GNE: variants seen among roughly 807,000 people sequenced by gnomAD.
The protein encoded by GNE is bifunctional UDP-N-acetylglucosamine 2-epimerase/N-acetylmannosamine kinase.
A neutral mutation model predicts 61.8 loss-of-function variants in GNE; 41 were observed. The observed-to-expected ratio is 0.66, with a 90% CI of 0.52 to 0.86. The LOEUF (loss-of-function observed/expected upper bound fraction) is 0.86, where lower values mean the gene tolerates loss of function less well. Among genes scored for constraint, GNE ranks in the 40% least tolerant of loss-of-function variants. GNE has a pLI of 0.00. For synonymous variants in GNE, 264 were observed against 326.4 expected (o/e 0.81, Z 2.06); for missense variants, 608 against 909.1 (o/e 0.67, Z 4.26).
At chr9:36,259,200 C>A (rs1456920371), upstream of GNE, among the ~76,000 whole-genome samples, 6 of 152,258 alleles carry the variant, frequency 3.9e-5, no homozygotes, top group East Asian at 1.2e-3. Context: ...GACTACAGGA[C>A]CATGCCACCG....
At position 36,235,506 on chromosome 9, in the gene GNE, T is replaced by G. The variant is rs79569639; in HGVS notation, c.769+1326A>C. 1.3e-3 allele frequency among the ~76,000 whole-genome samples: 202 copies of G among 152,246 alleles called. 6 individuals are homozygous for G. The East Asian group carries it at 0.037, about 28-fold the overall frequency. ...TTTACTTTCATAGAAAAAAAATACC[T>G]CTAATTCTAAAGTATATACAGCCAG... is the stretch of plus-strand genomic sequence containing the variant. On this transcript the variant is annotated intron_variant, in intron 4 of 11. Transcript: ENST00000642385.
chr9:36,262,075 G>A (rs1029315721), upstream of GNE, among the ~76,000 whole-genome samples: 3 of 152,002 alleles, frequency 2.0e-5, no homozygotes, highest in African/African-American at 7.2e-5. Flanking sequence ...TAAAATCTGG[G>A]TGCTGATTAC....
upstream of GNE, among the ~76,000 whole-genome samples, chr9:36,259,746 C>T (rs930096681): frequency 4.6e-5 from 7 of 151,748 alleles, no homozygotes; most frequent in Non-Finnish European, 8.8e-5. Context: ...CTGAAACCTC[C>T]ACCTCCCAGG....
At chr9:36,242,735 T>C (rs1407959043) in intron 3 of GNE, among the ~76,000 whole-genome samples, 1,103 of 95,220 alleles carry the variant, frequency 0.012, 39 homozygotes, top group Non-Finnish European at 0.02. Context: ...TATGCTTGTT[T>C]TTTTTTTTTT....
intron 10 of GNE, among the ~76,000 whole-genome samples, chr9:36,219,456 T>G (rs1388688328): frequency 1.3e-5 from 2 of 152,242 alleles, no homozygotes; most frequent in African/African-American, 4.8e-5. Context: ...ACTGTTTTTA[T>G]GTATGAAGCA....
chr9:36,270,214 C>G lies in GNE; in HGVS notation c.51+6680G>C, dbSNP rs368282734. On this transcript the variant is annotated intron_variant, in intron 1 of 11. Coordinates refer to the GNE transcript ENST00000396594. ...CTGGCCTCAAGTGATCCTCCTGCCT[C>G]TGCCTTCCAAAGTGTTGGTATTACA... is the stretch of plus-strand genomic sequence containing the variant. Among the ~76,000 whole-genome samples, 39 of 152,274 alleles carry G rather than the reference C, an allele frequency of 2.6e-4. No homozygotes were observed. In the South Asian group the frequency reaches 7.7e-3, roughly 30 times the overall value.
chr9:36,229,079 C>T lies in GNE; in HGVS notation c.1012G>A (p.Asp338Asn). The stretch of plus-strand genomic sequence containing the variant: ...GCTTGCAATATTTTGTCTTGGGTGT[C>T]AGCATCCCGGACATGAAGAACATTC... ...GENVLHVRDA[D>N]TQDKILQALH... Residue 338 changes from aspartate (D) to asparagine (N), a missense_variant, in exon 6 of 12, where the codon GAC (aspartate) becomes AAC (asparagine). By Grantham distance (23) the Asp-to-Asn change is conservative (BLOSUM62 1). Coordinates refer to ENST00000642385, the MANE Select transcript of GNE (RefSeq NM_005476.7). 1 of 1,610,112 alleles carries T rather than the reference C, an allele frequency of 6.2e-7. No individual in the cohort carries two copies. Among genetic ancestry groups the T allele is most frequent in the Non-Finnish European group, 8.5e-7 (1 of 1,176,396 alleles).
chr9:36,218,228 C>T lies in GNE; in HGVS notation c.1888G>A (p.Ala630Thr), dbSNP rs1382191649. The T allele has an allele frequency of 6.2e-7, 1 of 1,614,090 alleles. No homozygotes were observed. Among genetic ancestry groups the T allele is most frequent in the Non-Finnish European group, 8.5e-7 (1 of 1,179,986 alleles). The change falls in exon 11 of 12, where the codon GCT (alanine) becomes ACT (threonine). Residue 630 changes from alanine to threonine, a missense_variant. Transcript: ENST00000642385. This position sits in a 1 kb window ranked among gnomAD's most constrained non-coding sequence, Gnocchi z 4.1. ...GCCTTCGCATTGCCAAGTTTCGCAG[C>T]TTGGATGAGATGGAGCGCACCCACA... ...EAVGALHLIQ[A>T]AKLGNAKAQS...
In GNE at chr9:36,216,490, C is replaced by T. The variant is rs1436415002; in HGVS notation, c.*875G>A. 3 of 245,448 alleles carry T rather than the reference C, an allele frequency of 1.2e-5. No homozygotes were observed. Among genetic ancestry groups the T allele is most frequent in the Non-Finnish European group, 2.5e-5 (3 of 117,662 alleles). The allele number at this position is 245,448 out of a possible 1,614,324, so 15.2% of individuals were successfully genotyped here. A position where few individuals can be genotyped will look rare whatever the true frequency, so the allele number is the denominator to read the frequency against. On this transcript the variant is annotated 3_prime_UTR_variant, in exon 12 of 12. Coordinates refer to ENST00000642385, the MANE Select transcript of GNE (RefSeq NM_005476.7). Reference sequence around the variant, plus strand: ...AGCTGGGACTACAGGCACATGCCACCACGCCCGGCTAATTTTTGTATTTTA... The same window carrying T: ...AGCTGGGACTACAGGCACATGCCACTACGCCCGGCTAATTTTTGTATTTTA...
rs1828425721 is a variant in GNE, at chr9:36,218,325, G to T, written c.1817-26C>A. 1.9e-6 allele frequency: 3 copies of T among 1,544,112 alleles called. No homozygotes were observed. The highest frequency in any genetic ancestry group is 2.7e-6 in the Non-Finnish European group (3 of 1,116,128). On this transcript the variant is annotated intron_variant, in intron 10 of 11. Coordinates refer to ENST00000642385, the MANE Select transcript of GNE (RefSeq NM_005476.7). This position sits in a 1 kb window ranked among gnomAD's most constrained non-coding sequence, Gnocchi z 4.1. ...CTGAACAGAGTGAGAAGGAAAAGCA[G>T]TCACTAATGAGCTGTGGGGAGGCCA...
At position 36,246,677 on chromosome 9, in the gene GNE, T is replaced by G. The variant is rs952800103; in HGVS notation, c.165-195A>C. ...TTAAGATTCTTTTTTTTTTTTTTTTTTTTTTTTTTGAGATGAAGTCTTGCT... is the reference window on the plus strand; with the variant it reads ...TTAAGATTCTTTTTTTTTTTTTTTTGTTTTTTTTTGAGATGAAGTCTTGCT... On this transcript the variant is annotated intron_variant, in intron 2 of 11. Coordinates refer to ENST00000642385, the MANE Select transcript of GNE (RefSeq NM_005476.7). 7.0e-3 allele frequency among the ~76,000 whole-genome samples: 1,045 copies of G among 148,594 alleles called. 2 individuals are homozygous for G. Among genetic ancestry groups the G allele is most frequent in the Non-Finnish European group, 0.012 (774 of 67,052 alleles).
At chr9:36,265,591 A>G (rs1310854256) in intron 1 of GNE, 2 of 397,724 alleles carry the variant, frequency 5.0e-6, no homozygotes, top group East Asian at 7.5e-5. Flanking sequence ...ATCTCACCCC[A>G]TACTGTATCT....
upstream of GNE, among the ~76,000 whole-genome samples, chr9:36,262,479 T>C (rs1830644254): frequency 6.6e-6 from 1 of 152,226 alleles, no homozygotes; most frequent in Non-Finnish European, 1.5e-5. Context: ...GTTACTTTAC[T>C]GTTTAACATT....
intron 1 of GNE, among the ~76,000 whole-genome samples, chr9:36,274,437 C>T (rs553967761): frequency 2.6e-5 from 4 of 152,154 alleles, no homozygotes; most frequent in East Asian, 1.9e-4. Context: ...TTCCTGGCCA[C>T]GTACCCTCTT....
At chr9:36,257,419 G>A (rs1004445622) in intron 1 of GNE, among the ~76,000 whole-genome samples, 1 of 152,072 alleles carries the variant, frequency 6.6e-6, no homozygotes, top group Non-Finnish European at 1.5e-5. Flanking sequence ...TTGGGTTAAC[G>A]AGTTACCTAT....
At chr9:36,247,510 A>AT (rs775437154) in intron 2 of GNE, among the ~76,000 whole-genome samples, 3 of 152,178 alleles carry the variant, frequency 2.0e-5, no homozygotes, top group Non-Finnish European at 2.9e-5. Context: ...TTTCCTATTT[A>AT]ACGGTCTCAT....
At chr9:36,233,897 G>A in intron 5 of GNE, 23 bp downstream of exon 5, 1 of 1,552,442 alleles carries the variant, frequency 6.4e-7, no homozygotes, top group Non-Finnish European at 8.9e-7. Context: ...CTAGTCAGTT[G>A]AAGTATGAGC....
intron 1 of GNE, among the ~76,000 whole-genome samples, chr9:36,254,769 T>C (rs1830260984): frequency 6.6e-6 from 1 of 151,978 alleles, no homozygotes; most frequent in Admixed American, 6.6e-5. Flanking sequence ...CTGGCTAACA[T>C]GGCAAAACCC....
At chr9:36,270,327 A>C (rs1328242358) in intron 1 of GNE, among the ~76,000 whole-genome samples, 3 of 152,030 alleles carry the variant, frequency 2.0e-5, no homozygotes, top group African/African-American at 7.2e-5. Flanking sequence ...GATTTTATAT[A>C]CCTAAAATCA....
Sources: allele counts gnomAD v4.1 joint callset (sites outside exome capture counted in the v4.1 genomes callset), GRCh38; gene constraint gnomAD v4.1.1; non-coding constraint Gnocchi (gnomAD v3.1); transcripts MANE v1.5; gene names NCBI Gene and HGNC (gene_info 2026-07-23, HGNC 2026-07-21).